Variants in ABCB5 observed in about 807,000 individuals in gnomAD.
The protein encoded by ABCB5 is ATP-binding cassette sub-family B member 5.
In ABCB5, 155 loss-of-function variants were observed where a neutral mutation model predicts 144.2. The ratio of observed to expected loss-of-function variants is 1.08; its 90% CI spans 0.94 to 1.23. The LOEUF is 1.23. ABCB5 is among the 50% of genes most tolerant of loss of function. ABCB5 has a pLI of 0.00. For synonymous variants in ABCB5, 610 were observed against 528.6 expected, an observed-to-expected ratio of 1.15 and a Z score of -2.11; for missense variants, 1,830 against 1,520.8, an observed-to-expected ratio of 1.20 and a Z score of -3.38.
chr7:20,724,607 C>T (rs534878902), intron 21 of ABCB5, among the ~76,000 whole-genome samples: 7 of 122,258 alleles, frequency 5.7e-5, no homozygotes, highest in East Asian at 4.9e-4. Context: ...CCAACTTGGG[C>T]GACAGAGCAC....
chr7:20,665,766 G>T (rs3930002), intron 14 of ABCB5, among the ~76,000 whole-genome samples: 14,291 of 130,236 alleles, frequency 0.11, 932 homozygotes, highest in Middle Eastern at 0.22. Flanking sequence ...TAGATAGATA[G>T]AGATACATAC....
chr7:20,629,613 T>A (rs1301054486), intron 4 of ABCB5, among the ~76,000 whole-genome samples: 2 of 151,920 alleles, frequency 1.3e-5, no homozygotes, highest in Non-Finnish European at 2.9e-5. Flanking sequence ...ATACAAAAAA[T>A]TAGCCAGCCA....
intron 5 of ABCB5, among the ~76,000 whole-genome samples, chr7:20,639,351 T>C (rs1051526486): frequency 6.6e-6 from 1 of 152,182 alleles, no homozygotes; most frequent in African/African-American, 2.4e-5. Flanking sequence ...AGTTTTTAAC[T>C]TCGGTAAAGT....
intron 14 of ABCB5, chr7:20,659,643 T>C: frequency 1.0e-6 from 1 of 989,056 alleles, no homozygotes. Context: ...TGGTTCATCT[T>C]GGTACAGAAA....
intron 14 of ABCB5, among the ~76,000 whole-genome samples, chr7:20,679,062 G>A (rs1785700938): frequency 6.6e-6 from 1 of 152,052 alleles, no homozygotes; most frequent in Admixed American, 6.5e-5. Flanking sequence ...TGACCTTGGA[G>A]TAAAGATTTC....
At chr7:20,626,745 A>G (rs1214133542) in intron 3 of ABCB5, 134 bp downstream of exon 3, 3 of 732,350 alleles carry the variant, frequency 4.1e-6, no homozygotes, top group Non-Finnish European at 6.1e-6. Context: ...TCATTAAAGT[A>G]TGATTTTCGA....
intron 14 of ABCB5, among the ~76,000 whole-genome samples, chr7:20,680,566 T>TC (rs1342120509): frequency 7.2e-6 from 1 of 138,396 alleles, no homozygotes; most frequent in Non-Finnish European, 1.5e-5. Flanking sequence ...CCAGACTCCG[T>TC]CTCAAAAAAA....
chr7:20,624,278 C>T (rs1001010335), intron 2 of ABCB5, among the ~76,000 whole-genome samples: 10 of 152,186 alleles, frequency 6.6e-5, no homozygotes, highest in African/African-American at 2.4e-4. Context: ...TGTAACTGTA[C>T]AGTTAAGAGT....
intron 20 of ABCB5, among the ~76,000 whole-genome samples, chr7:20,718,268 G>A (rs531319940): frequency 1.9e-4 from 29 of 152,182 alleles, no homozygotes; most frequent in Admixed American, 1.8e-3. Context: ...ATGTAGGGTC[G>A]GAGGGACACA....
chr7:20,723,560 T>C (rs1430581605), intron 21 of ABCB5, among the ~76,000 whole-genome samples: 1 of 152,230 alleles, frequency 6.6e-6, no homozygotes, highest in Non-Finnish European at 1.5e-5. Flanking sequence ...GTGGGAATAA[T>C]ACGAGTATTC....
At chr7:20,645,675 T>A in intron 7 of ABCB5, 81 bp from the exon 8 acceptor site, 1 of 1,520,600 alleles carries the variant, frequency 6.6e-7, no homozygotes. Flanking sequence ...TACTTAGAAT[T>A]CAAATTCTGC....
Position 20,644,786 on chromosome 7 carries a change from T to C in ABCB5, c.679-970T>C, listed in dbSNP as rs145282173. ...TATAGTAATTCAACCAAACAAGAAT[T>C]TTCAGCAATAAAACTATTCTATAAT... On this transcript the variant is annotated intron_variant, in intron 7 of 27. Coordinates refer to ENST00000404938, the MANE Select transcript of ABCB5 (RefSeq NM_001163941.2). Among the ~76,000 whole-genome samples the C allele has an allele frequency of 3.5e-3, 536 of 152,318 alleles. 4 individuals carry two copies. Among genetic ancestry groups the C allele is most frequent in the Non-Finnish European group, 5.5e-3 (374 of 68,026 alleles).
chr7:20,683,047 T>G (rs1583423126), intron 15 of ABCB5, among the ~76,000 whole-genome samples: 1 of 152,310 alleles, frequency 6.6e-6, no homozygotes, highest in East Asian at 1.9e-4. Flanking sequence ...TTTCAACCCT[T>G]TTTGGTCTTC....
intron 12 of ABCB5, among the ~76,000 whole-genome samples, chr7:20,650,569 C>CTT (rs71020652): frequency 0.15 from 21,631 of 146,984 alleles, 2,388 homozygotes; most frequent in African/African-American, 0.31. Context: ...TTTTCTTTTC[C>CTT]TTTTTTTTTT....
At chr7:20,749,575 C>T (rs1371199682) in intron 26 of ABCB5, among the ~76,000 whole-genome samples, 1 of 151,902 alleles carries the variant, frequency 6.6e-6, no homozygotes, top group East Asian at 1.9e-4. Flanking sequence ...CACACAGCTA[C>T]TGAGCATTTC....
intron 11 of ABCB5, among the ~76,000 whole-genome samples, 188 bp downstream of exon 11, chr7:20,648,266 T>A (rs532776751): frequency 2.6e-4 from 39 of 152,292 alleles, no homozygotes; most frequent in African/African-American, 8.9e-4. Context: ...TTTGCAGCAT[T>A]CTTTCTATAT....
intron 3 of ABCB5, 150 bp from the exon 4 acceptor site, chr7:20,628,538 T>A (rs1224877846): frequency 4.2e-5 from 30 of 716,930 alleles, no homozygotes; most frequent in Non-Finnish European, 6.4e-5. Flanking sequence ...TAAATACATA[T>A]CTATGATTTT....
At chr7:20,714,711 T>C (rs1382134730) in intron 20 of ABCB5, among the ~76,000 whole-genome samples, 1 of 152,188 alleles carries the variant, frequency 6.6e-6, no homozygotes, top group Non-Finnish European at 1.5e-5. Context: ...CAGCAGCAGA[T>C]TAACACAAGA....
intron 1 of ABCB5, among the ~76,000 whole-genome samples, chr7:20,618,888 C>T (rs780486760): frequency 1.4e-5 from 2 of 146,278 alleles, no homozygotes; most frequent in Non-Finnish European, 3.0e-5. Flanking sequence ...GATTCTCCTG[C>T]CTCAGCCACC....
Sources: gnomAD v4.1 joint callset for allele counts (sites outside exome capture counted in the v4.1 genomes callset) on GRCh38, gnomAD v4.1.1 for gene constraint, MANE v1.5 for transcripts, NCBI Gene and HGNC (gene_info 2026-07-23, HGNC 2026-07-21) for gene names.